Variants in DLGAP2 observed in about 807,000 individuals in gnomAD.
The protein encoded by DLGAP2 is disks large-associated protein 2.
In DLGAP2, 26 loss-of-function variants were observed where a neutral mutation model predicts 100.3. The ratio of observed to expected loss-of-function variants is 0.26; its 90% CI spans 0.19 to 0.36. The LOEUF (loss-of-function observed/expected upper bound fraction) is 0.36. Ranked by LOEUF, DLGAP2 falls within the 10% of genes least tolerant of loss-of-function variation. The probability of loss-of-function intolerance (pLI) is 1.00; values close to 1 mark genes in which losing one functional copy is unlikely to be tolerated. For synonymous variants in DLGAP2, 886 were observed against 630.1 expected (o/e 1.41, Z -6.08); for missense variants, 1,858 against 1,453.2 (o/e 1.28, Z -4.53).
intron 3 of DLGAP2, among the ~76,000 whole-genome samples, chr8:1,434,769 C>G (rs1190153445): frequency 6.6e-6 from 1 of 152,180 alleles, no homozygotes; most frequent in East Asian, 1.9e-4. Flanking sequence ...GCCACTGTGC[C>G]CGGCCGTCAT....
At chr8:911,033 C>T (rs1798474439) in intron 2 of DLGAP2, among the ~76,000 whole-genome samples, 1 of 152,076 alleles carries the variant, frequency 6.6e-6, no homozygotes. Flanking sequence ...CTGGAATCCT[C>T]ATTTAAGGAG....
chr8:1,630,730 G>C (rs879571112), intron 7 of DLGAP2, among the ~76,000 whole-genome samples: 39 of 152,036 alleles, frequency 2.6e-4, no homozygotes, highest in Admixed American at 8.5e-4. Context: ...TGCCCTTCAT[G>C]TTTAACATTC....
intron 2 of DLGAP2, among the ~76,000 whole-genome samples, chr8:1,233,454 C>A (rs1232936732): frequency 2.0e-5 from 3 of 152,160 alleles, no homozygotes; most frequent in Admixed American, 2.0e-4. Flanking sequence ...TACCACGGGC[C>A]TGAATGGTTG....
intron 3 of DLGAP2, among the ~76,000 whole-genome samples, chr8:1,314,943 G>A (rs1247946128): frequency 3.3e-5 from 5 of 152,204 alleles, no homozygotes; most frequent in South Asian, 2.1e-4. Context: ...CGGGGAAGGC[G>A]CAAGATGCCC....
intron 1 of DLGAP2, among the ~76,000 whole-genome samples, chr8:824,582 C>T (rs55890244): frequency 0.046 from 6,945 of 152,050 alleles, 232 homozygotes; most frequent in Middle Eastern, 0.075. Context: ...TCCCCTTGTC[C>T]TGGCCCCAGT....
At chr8:1,176,912 T>G (rs774789615) in intron 2 of DLGAP2, among the ~76,000 whole-genome samples, 1 of 152,236 alleles carries the variant, frequency 6.6e-6, no homozygotes, top group Non-Finnish European at 1.5e-5. Context: ...AGGACCTGCC[T>G]TTCATGCCAT....
chr8:1,268,197 A>C (rs1420764237), intron 3 of DLGAP2, among the ~76,000 whole-genome samples: 1 of 152,212 alleles, frequency 6.6e-6, no homozygotes, highest in Non-Finnish European at 1.5e-5. Context: ...CCTCCATGAT[A>C]GTCTCAGGAA....
At chr8:772,080 T>C (rs1415909138) in intron 1 of DLGAP2, among the ~76,000 whole-genome samples, 1 of 152,034 alleles carries the variant, frequency 6.6e-6, no homozygotes, top group Non-Finnish European at 1.5e-5. Flanking sequence ...TTTCTATTTT[T>C]TGTAGAGACA....
At chr8:777,870 G>T (rs945976897) in intron 1 of DLGAP2, among the ~76,000 whole-genome samples, 2 of 152,124 alleles carry the variant, frequency 1.3e-5, no homozygotes, top group Non-Finnish European at 2.9e-5. Context: ...TGGCGTCTCT[G>T]TGTTTCCTGA....
rs1297488190 is a variant in DLGAP2, at chr8:1,333,363, C to T, written c.106+74480C>T. ...TCTCCCTTCCCTGGGGAGGAGGAAG[C>T]AGAGGTTGAAGAGGTTTTGCTGCCA... is the stretch of plus-strand genomic sequence containing the variant. On this transcript the variant is annotated intron_variant, in intron 3 of 14. Transcript: ENST00000637795. Among the ~76,000 whole-genome samples the T allele has an allele frequency of 5.3e-5, 8 of 152,238 alleles. No individual in the cohort carries two copies. The East Asian group carries it at 1.6e-3, about 30-fold the overall frequency.
At chr8:1,531,640 T>C (rs1431503351) in intron 4 of DLGAP2, among the ~76,000 whole-genome samples, 1 of 152,202 alleles carries the variant, frequency 6.6e-6, no homozygotes, top group East Asian at 1.9e-4. Context: ...GTGTTTAGGA[T>C]GTATATTTCC....
At chr8:1,153,467 C>A (rs952125151) in intron 2 of DLGAP2, among the ~76,000 whole-genome samples, 1 of 152,142 alleles carries the variant, frequency 6.6e-6, no homozygotes, top group African/African-American at 2.4e-5. Context: ...TTACCAGTCG[C>A]GTGATTATAC....
chr8:1,063,828 C>G (rs775754288), intron 2 of DLGAP2, among the ~76,000 whole-genome samples: 3 of 152,128 alleles, frequency 2.0e-5, no homozygotes, highest in Non-Finnish European at 4.4e-5. Flanking sequence ...CCTCTCCACA[C>G]GGAGGTTTAG....
intron 8 of DLGAP2, among the ~76,000 whole-genome samples, chr8:1,647,775 C>A (rs912959870): frequency 6.6e-6 from 1 of 152,154 alleles, no homozygotes; most frequent in African/African-American, 2.4e-5. Flanking sequence ...GCGTCATAGC[C>A]TGCCTGGCTT....
intron 3 of DLGAP2, among the ~76,000 whole-genome samples, chr8:1,344,136 G>GTGTACTCGGGGCCCTGTCGTGGGTCTT (rs1801494555): frequency 7.1e-6 from 1 of 140,992 alleles, no homozygotes; most frequent in Non-Finnish European, 1.5e-5. Flanking sequence ...TCGTGGGTCC[G>GTGTACTCGGGGCCCTGTCGTGGGTCTT]TGTACTCGGG....
At chr8:1,235,418 G>C (rs1478885464) in intron 2 of DLGAP2, among the ~76,000 whole-genome samples, 1 of 149,648 alleles carries the variant, frequency 6.7e-6, no homozygotes, top group African/African-American at 2.5e-5. Flanking sequence ...ACGTGGCATC[G>C]TGTCTAGTTC....
At chr8:1,355,185 GCCCGTGACAGTGGTGGCA>G (rs1412002394) in intron 3 of DLGAP2, among the ~76,000 whole-genome samples, 3 of 152,264 alleles carry the variant, frequency 2.0e-5, no homozygotes, top group Non-Finnish European at 4.4e-5. Context: ...GACACTGCAT[GCCCGTGACAGTGGTGGCA>G]CCCGCGTGCT....
intron 3 of DLGAP2, among the ~76,000 whole-genome samples, chr8:1,342,946 G>A (rs527877751): frequency 3.8e-4 from 57 of 149,488 alleles, no homozygotes; most frequent in African/African-American, 1.2e-3. Flanking sequence ...CTCTTTTTCC[G>A]TAATTGTAGC....
At chr8:968,972 G>A (rs1799948273) in intron 2 of DLGAP2, among the ~76,000 whole-genome samples, 1 of 152,188 alleles carries the variant, frequency 6.6e-6, no homozygotes, top group Non-Finnish European at 1.5e-5. Flanking sequence ...ACCAATCAAG[G>A]ACATTGAGGA....
Sources: allele counts gnomAD v4.1 joint callset (sites outside exome capture counted in the v4.1 genomes callset), GRCh38; gene constraint gnomAD v4.1.1; transcripts MANE v1.5; gene names NCBI Gene and HGNC (gene_info 2026-07-23, HGNC 2026-07-21).